Variants in DNAI4 observed in about 807,000 individuals in gnomAD.
The protein encoded by DNAI4 is WD repeat domain 78.
Under a neutral mutation model 105.8 loss-of-function variants are expected in DNAI4, and 85 were observed. That is an observed-to-expected ratio of 0.80 (90% CI 0.67 to 0.96). The LOEUF (loss-of-function observed/expected upper bound fraction) is 0.96. Among genes scored for constraint, DNAI4 ranks in the 40% least tolerant of loss-of-function variants. The pLI is 0.00. For synonymous variants in DNAI4, 352 were observed against 331.5 expected, an observed-to-expected ratio of 1.06 and a Z score of -0.67; for missense variants, 1,014 against 1,005.6, an observed-to-expected ratio of 1.01 and a Z score of -0.11.
At chr1:66,853,201 G>T (rs1465821611) in intron 7 of DNAI4, among the ~76,000 whole-genome samples, 4 of 152,246 alleles carry the variant, frequency 2.6e-5, no homozygotes, top group South Asian at 2.1e-4. Flanking sequence ...AGGAGGCAAA[G>T]AATTCAATCA....
chr1:66,891,280 TAACAA>T lies in DNAI4; in HGVS notation c.531-19_531-15del. The stretch of plus-strand genomic sequence containing the variant: ...CCTAAAACTGACCTTTAATAATGAA[TAACAA>T]AATTACTCATTTATTTAGATGTCCT... On this transcript the variant is annotated splice_polypyrimidine_tract_variant and intron_variant, in intron 3 of 16. Transcript: ENST00000371026. 6.4e-7 allele frequency: 1 copy of T among 1,565,640 alleles called. No homozygotes were observed. Among genetic ancestry groups the T allele is most frequent in the Non-Finnish European group, 8.8e-7 (1 of 1,137,712 alleles).
intron 16 of DNAI4, among the ~76,000 whole-genome samples, chr1:66,818,199 T>C (rs1359254554): frequency 6.6e-6 from 1 of 152,012 alleles, no homozygotes; most frequent in Non-Finnish European, 1.5e-5. Flanking sequence ...TGGTAATTGA[T>C]TTAGACTTAC....
chr1:66,851,125 A>G (rs1485169516), intron 7 of DNAI4, among the ~76,000 whole-genome samples: 2 of 151,976 alleles, frequency 1.3e-5, no homozygotes, highest in African/African-American at 4.8e-5. Context: ...TATACAATGT[A>G]GATAGGTTGA....
chr1:66,825,209 G>T (rs1572594298), intron 15 of DNAI4, among the ~76,000 whole-genome samples: 1 of 114,808 alleles, frequency 8.7e-6, no homozygotes. Context: ...GTCTCGCTCT[G>T]TCGCCCAGGC....
At chr1:66,816,727 TCACACACA>T (rs57920483) in intron 16 of DNAI4, among the ~76,000 whole-genome samples, 54,467 of 137,500 alleles carry the variant, frequency 0.4, 10,920 homozygotes, top group East Asian at 0.68. Flanking sequence ...AGCCTTGAAA[TCACACACA>T]CACACACACA....
intron 10 of DNAI4, among the ~76,000 whole-genome samples, chr1:66,836,284 G>A (rs1289569449): frequency 6.8e-6 from 1 of 146,536 alleles, no homozygotes; most frequent in Non-Finnish European, 1.5e-5. Flanking sequence ...AAGAAAGAAA[G>A]AAAGAAAGAA....
At chr1:66,845,190 C>CAAAA (rs59265844) in intron 8 of DNAI4, among the ~76,000 whole-genome samples, 51 of 106,288 alleles carry the variant, frequency 4.8e-4, no homozygotes, top group South Asian at 1.5e-3. Flanking sequence ...AACTCCATCT[C>CAAAA]AAAAAAAAAA....
chr1:66,862,377 A>C, intron 6 of DNAI4, 75 bp from the exon 7 acceptor site: 1 of 1,449,614 alleles, frequency 6.9e-7, no homozygotes, highest in Non-Finnish European at 9.4e-7. Context: ...ATAACTAGTC[A>C]CAGAAAAAGC....
chr1:66,905,107 T>A, intron 2 of DNAI4, 94 bp downstream of exon 2: 1 of 1,005,596 alleles, frequency 9.9e-7, no homozygotes, highest in Non-Finnish European at 1.4e-6. Context: ...TTATGAGTGA[T>A]TATCTGAAAG....
At chr1:66,895,922 T>TTTGTTG (rs535498968) in intron 2 of DNAI4, among the ~76,000 whole-genome samples, 1 of 151,974 alleles carries the variant, frequency 6.6e-6, no homozygotes, top group South Asian at 2.1e-4. Flanking sequence ...GTATTAAGCA[T>TTTGTTG]TTGTTGTTGT....
chr1:66,835,749 T>C lies in DNAI4; in HGVS notation c.1610A>G (p.Tyr537Cys). The C allele has an allele frequency of 6.2e-7, 1 of 1,614,130 alleles. No individual in the cohort carries two copies. The change falls in exon 11 of 17, where the codon TAT (tyrosine) becomes TGT (cysteine). Residue 537 changes from tyrosine to cysteine, a missense_variant. Transcript: ENST00000371026. ...TGAAAAATCCACAGCAGTAACTCCA[T>C]ATGGACTCTGATAAATACGTTCTGG... ...MWPERIYQSP[Y>C]GVTAVDFSIG...
chr1:66,846,192 G>C (rs1203840578), intron 8 of DNAI4, among the ~76,000 whole-genome samples: 3 of 151,820 alleles, frequency 2.0e-5, no homozygotes, highest in Admixed American at 6.6e-5. Flanking sequence ...TTTAAATATA[G>C]GATGAAAAAT....
At chr1:66,919,666 T>C (rs576443178) in intron 1 of DNAI4, among the ~76,000 whole-genome samples, 2 of 152,288 alleles carry the variant, frequency 1.3e-5, no homozygotes, top group South Asian at 2.1e-4. Context: ...AAGTAATCTT[T>C]CTAAAATATA....
chr1:66,863,930 T>G (rs964314751), intron 6 of DNAI4, among the ~76,000 whole-genome samples: 1 of 152,222 alleles, frequency 6.6e-6, no homozygotes, highest in African/African-American at 2.4e-5. Flanking sequence ...CTTTGAACAC[T>G]GAATTACTCA....
chr1:66,922,365 G>A (rs1650553633), intron 1 of DNAI4, among the ~76,000 whole-genome samples: 1 of 152,078 alleles, frequency 6.6e-6, no homozygotes, highest in South Asian at 2.1e-4. Context: ...AGGTTATCTG[G>A]GGGCACAATA....
At position 66,814,088 on chromosome 1, in the gene DNAI4, C is replaced by CT; in HGVS notation, c.*41dup. ...AATACAGAATATTGGATGTTAATTC[C>CT]TTTTTTAAAACAACTACAAGAAAAA... On this transcript the variant is annotated 3_prime_UTR_variant, in exon 17 of 17. Transcript: ENST00000371026. The CT allele has an allele frequency of 1.3e-6, 2 of 1,537,534 alleles. No homozygotes were observed. Among genetic ancestry groups the CT allele is most frequent in the Admixed American group, 1.8e-5 (1 of 54,458 alleles).
Position 66,835,643 on chromosome 1 carries a change from A to T in DNAI4, c.1716T>A (p.Val572=). The change falls in exon 11 of 17, where the codon GTT becomes GTA. Residue 572 remains valine, a synonymous_variant. Coordinates refer to ENST00000371026, the MANE Select transcript of DNAI4 (RefSeq NM_024763.5). The part of the protein sequence containing the change: ...AIYNVRSNSN[V]PVLDSSESPQ... Reference sequence around the variant, plus strand: ...ATTCTTACCTACTATCCAGAACTGGAACATTACTGTTGCTCCGTACATTGT... The same window carrying T: ...ATTCTTACCTACTATCCAGAACTGGTACATTACTGTTGCTCCGTACATTGT... The T allele has an allele frequency of 3.1e-6, 5 of 1,614,090 alleles. No individual in the cohort carries two copies. Among genetic ancestry groups the T allele is most frequent in the Non-Finnish European group, 4.2e-6 (5 of 1,179,982 alleles).
chr1:66,841,955 T>C (rs1646158354), intron 8 of DNAI4, among the ~76,000 whole-genome samples: 1 of 152,250 alleles, frequency 6.6e-6, no homozygotes, highest in Non-Finnish European at 1.5e-5. Flanking sequence ...ATAGTTTCAC[T>C]GACCTAAAAA....
At chr1:66,848,109 A>C in intron 7 of DNAI4, 1 of 426,016 alleles carries the variant, frequency 2.3e-6, no homozygotes. Context: ...AGTAGATTAG[A>C]GGCCTAACAG....
Sources: allele counts gnomAD v4.1 joint callset (sites outside exome capture counted in the v4.1 genomes callset), GRCh38; gene constraint gnomAD v4.1.1; transcripts MANE v1.5; gene names NCBI Gene and HGNC (gene_info 2026-07-23, HGNC 2026-07-21).